RIMS1: variants seen among roughly 807,000 people sequenced by gnomAD.
RIMS1 encodes regulating synaptic membrane exocytosis 1.
Under a neutral mutation model 214.1 loss-of-function variants are expected in RIMS1, and 83 were observed. The observed-to-expected ratio is 0.39, with a 90% CI of 0.32 to 0.47. RIMS1 has a LOEUF of 0.47. Ranked by LOEUF, RIMS1 falls within the 20% of genes least tolerant of loss-of-function variation. The pLI is 0.99. For missense variants in RIMS1, 2,050 were observed against 2,161.8 expected, an observed-to-expected ratio of 0.95 and a Z score of 1.03; for synonymous variants, 793 against 786.8, an observed-to-expected ratio of 1.01 and a Z score of -0.13.
At chr6:72,020,406 GA>G (rs1814242978) in intron 2 of RIMS1, among the ~76,000 whole-genome samples, 1 of 152,086 alleles carries the variant, frequency 6.6e-6, no homozygotes, top group African/African-American at 2.4e-5. Flanking sequence ...CACTTGTTTG[GA>G]AAGCCATGTT....
At chr6:72,279,646 T>G (rs2088979404) in intron 23 of RIMS1, among the ~76,000 whole-genome samples, 1 of 152,000 alleles carries the variant, frequency 6.6e-6, no homozygotes, top group Non-Finnish European at 1.5e-5. Flanking sequence ...TGAAACAGTG[T>G]TGTCTTGTTC....
chr6:72,237,736 A>T lies in RIMS1; in HGVS notation c.1858-87A>T, dbSNP rs546669409. The T allele has an allele frequency of 5.1e-6, 5 of 982,930 alleles. No individual in the cohort carries two copies. In the Admixed American group the frequency reaches 1.1e-4, roughly 21 times the overall value. The allele number at this position is 982,930 out of a possible 1,614,324, so 60.9% of individuals were successfully genotyped here. ...TTCTACATGCAATTTCAAGTGTATC[A>T]TAAAAGAATGTAGGATTAATTCCTC... On this transcript the variant is annotated intron_variant, in intron 8 of 33. Coordinates refer to ENST00000521978, the MANE Select transcript of RIMS1 (RefSeq NM_014989.7).
chr6:72,245,948 T>G (rs2069364684), intron 11 of RIMS1, 87 bp downstream of exon 11: 2 of 936,584 alleles, frequency 2.1e-6, no homozygotes, highest in East Asian at 2.6e-5. Flanking sequence ...TTTGATATAA[T>G]GAATTGGGGT....
In RIMS1 at chr6:72,247,394, A is replaced by C. The variant is rs569095664; in HGVS notation, c.2129-621A>C. 2.0e-5 allele frequency among the ~76,000 whole-genome samples: 3 copies of C among 151,998 alleles called. No homozygotes were observed. In the East Asian group the frequency reaches 5.8e-4, roughly 29 times the overall value. On this transcript the variant is annotated intron_variant, in intron 11 of 33. Transcript: ENST00000521978. Reference sequence around the variant, plus strand: ...CTACTAAAAATACAAAATTAGCCGGACGTGTTGGTGCATGCCTGTAATCCC... The same window carrying C: ...CTACTAAAAATACAAAATTAGCCGGCCGTGTTGGTGCATGCCTGTAATCCC...
intron 2 of RIMS1, among the ~76,000 whole-genome samples, chr6:72,079,948 C>A (rs533449472): frequency 1.3e-5 from 2 of 148,184 alleles, no homozygotes; most frequent in South Asian, 2.2e-4. Context: ...TTTTAAAAAA[C>A]AAAACGGGCT....
chr6:72,162,919 A>G (rs1282408545), intron 4 of RIMS1, among the ~76,000 whole-genome samples: 2 of 137,854 alleles, frequency 1.5e-5, no homozygotes, highest in East Asian at 2.0e-4. Flanking sequence ...TATTTCCTGA[A>G]TTTGAAAGTT....
At chr6:72,299,944 T>C (rs2094460096) in intron 26 of RIMS1, among the ~76,000 whole-genome samples, 1 of 151,924 alleles carries the variant, frequency 6.6e-6, no homozygotes, top group East Asian at 1.9e-4. Flanking sequence ...TTTTCTGTTA[T>C]TGTGTGTTAA....
intron 2 of RIMS1, among the ~76,000 whole-genome samples, chr6:71,992,968 T>G (rs1802350063): frequency 6.6e-6 from 1 of 152,320 alleles, no homozygotes; most frequent in African/African-American, 2.4e-5. Context: ...GCCTTTGTCT[T>G]TTTTAATTTT....
intron 4 of RIMS1, among the ~76,000 whole-genome samples, chr6:72,111,514 A>G (rs1414424994): frequency 6.6e-6 from 1 of 152,174 alleles, no homozygotes; most frequent in Non-Finnish European, 1.5e-5. Flanking sequence ...GTAATACTGT[A>G]TAATATGGCT....
rs554716499 is a variant in RIMS1, at chr6:71,981,201, G to T, written c.245+12138G>T. ...GTAACAATAACTGCAATTATATGCTGTTGTGTTTTAGGCACTTTATGTGCA... is the reference window on the plus strand; with the variant it reads ...GTAACAATAACTGCAATTATATGCTTTTGTGTTTTAGGCACTTTATGTGCA... On this transcript the variant is annotated intron_variant, in intron 2 of 33. Transcript: ENST00000521978. Among the ~76,000 whole-genome samples the T allele has an allele frequency of 3.3e-5, 5 of 152,220 alleles. No individual in the cohort carries two copies. In the East Asian group the frequency reaches 9.6e-4, roughly 29 times the overall value.
intron 4 of RIMS1, among the ~76,000 whole-genome samples, chr6:72,171,977 A>C (rs1588503258): frequency 1.3e-5 from 2 of 152,332 alleles, no homozygotes. Context: ...GAAGAGAATA[A>C]TAGAATAGAT....
At chr6:72,166,963 G>T (rs181160660) in intron 4 of RIMS1, among the ~76,000 whole-genome samples, 2 of 151,746 alleles carry the variant, frequency 1.3e-5, no homozygotes, top group Non-Finnish European at 2.9e-5. Flanking sequence ...TTACACTGGC[G>T]TATAGAGGTT....
At chr6:72,199,950 G>C (rs1011463827) in intron 6 of RIMS1, among the ~76,000 whole-genome samples, 3 of 152,082 alleles carry the variant, frequency 2.0e-5, no homozygotes, top group African/African-American at 7.2e-5. Flanking sequence ...GATACTGTGG[G>C]AAGAAGGGAT....
intron 2 of RIMS1, among the ~76,000 whole-genome samples, chr6:71,981,954 T>C (rs1798608157): frequency 6.6e-6 from 1 of 152,012 alleles, no homozygotes; most frequent in African/African-American, 2.4e-5. Context: ...TTTTTTTGGT[T>C]TGAACTATGA....
chr6:72,187,832 C>T (rs2049386489), intron 6 of RIMS1, among the ~76,000 whole-genome samples: 1 of 151,986 alleles, frequency 6.6e-6, no homozygotes, highest in African/African-American at 2.4e-5. Context: ...TATTAGGGTT[C>T]TCTAGAGGGA....
At chr6:71,955,573 G>A (rs1001835931) in intron 1 of RIMS1, among the ~76,000 whole-genome samples, 4 of 152,034 alleles carry the variant, frequency 2.6e-5, no homozygotes, top group Non-Finnish European at 5.9e-5. Context: ...CTTTGTTACT[G>A]ATTTATAGTA....
intron 1 of RIMS1, among the ~76,000 whole-genome samples, chr6:71,903,208 A>G (rs1774226466): frequency 6.6e-6 from 1 of 152,136 alleles, no homozygotes; most frequent in Non-Finnish European, 1.5e-5. Flanking sequence ...TGACTTTTCA[A>G]TAATCGCCAT....
Position 72,183,047 on chromosome 6 carries a change from C to G in RIMS1, c.1576C>G (p.Arg526Gly), listed in dbSNP as rs749861261. ...PHRSKRGGKK[R>G]QMSVSSSEEE... ...CCGGTCCAAGAGAGGCGGCAAGAAG[C>G]GGCAGATGTCGGTGAGCAGCTCTGA... is the stretch of plus-strand genomic sequence containing the variant. The change falls in exon 6 of 34, where the codon CGG (arginine) becomes GGG (glycine). Residue 526 changes from arginine (R) to glycine (G), a missense_variant. By Grantham distance (125) the Arg-to-Gly change is moderately radical (BLOSUM62 -2). This residue lies in a region of RIMS1 where 882 missense variants were observed against 828.9 expected (regional missense o/e 1.06). Coordinates refer to ENST00000521978, the MANE Select transcript of RIMS1 (RefSeq NM_014989.7). 6.3e-7 allele frequency: 1 copy of G among 1,597,574 alleles called. No homozygotes were observed. Among genetic ancestry groups the G allele is most frequent in the South Asian group, 1.1e-5 (1 of 88,224 alleles).
intron 26 of RIMS1, among the ~76,000 whole-genome samples, chr6:72,304,263 C>A (rs1287961780): frequency 1.3e-5 from 2 of 151,480 alleles, no homozygotes; most frequent in Non-Finnish European, 3.0e-5. Flanking sequence ...TTGGAAAATA[C>A]TTTATTTACT....
Sources: allele counts gnomAD v4.1 joint callset (sites outside exome capture counted in the v4.1 genomes callset), GRCh38; gene constraint gnomAD v4.1.1; regional missense constraint gnomAD v4.1.1; transcripts MANE v1.5; gene names NCBI Gene and HGNC (gene_info 2026-07-23, HGNC 2026-07-21).